Variants in NPEPL1 observed in about 807,000 individuals in gnomAD.
NPEPL1 encodes probable aminopeptidase NPEPL1.
Under a neutral mutation model 52.4 loss-of-function variants are expected in NPEPL1, and 45 were observed. The observed-to-expected ratio is 0.86, with a 90% CI of 0.68 to 1.10. The LOEUF (loss-of-function observed/expected upper bound fraction) is 1.10. NPEPL1 is among the 50% of genes least tolerant of loss of function. The probability of loss-of-function intolerance (pLI) is 0.00; values close to 1 mark genes in which losing one functional copy is unlikely to be tolerated. For synonymous variants in NPEPL1, 360 were observed against 314.7 expected, an observed-to-expected ratio of 1.14 and a Z score of -1.52; for missense variants, 696 against 710.9, an observed-to-expected ratio of 0.98 and a Z score of 0.24.
intron 3 of NPEPL1, among the ~76,000 whole-genome samples, chr20:58,694,879 T>C (rs6015340): frequency 0.55 from 83,560 of 152,078 alleles, 24,110 homozygotes; most frequent in African/African-American, 0.72. Flanking sequence ...ACCCTGCCCG[T>C]TTATGTGAGC....
At chr20:58,696,039 TTCTC>T (rs2084484060) in intron 3 of NPEPL1, among the ~76,000 whole-genome samples, 1 of 152,160 alleles carries the variant, frequency 6.6e-6, no homozygotes, top group African/African-American at 2.4e-5. Flanking sequence ...CATCTGCCTC[TTCTC>T]TCTGTCTTTA....
chr20:58,691,444 C>T, upstream of NPEPL1: 1 of 397,922 alleles, frequency 2.5e-6, no homozygotes, highest in Non-Finnish European at 4.7e-6. Flanking sequence ...AAAAAAACAA[C>T]AAAAAGTCAA....
chr20:58,715,116 TC>T (rs1165455029), intron 11 of NPEPL1, 51 bp from the exon 12 acceptor site: 35 of 1,546,674 alleles, frequency 2.3e-5, no homozygotes, highest in Non-Finnish European at 1.1e-5. Flanking sequence ...CAGGAACCCC[TC>T]CTGTGCTGCA....
At chr20:58,699,327 GGGGCACT>G (rs2084561970) in intron 5 of NPEPL1, 49 bp downstream of exon 5, 2 of 1,427,264 alleles carry the variant, frequency 1.4e-6, no homozygotes, top group Non-Finnish European at 1.9e-6. Context: ...GCAGTGGCCA[GGGGCACT>G]TGGGTGGCAG....
At position 58,692,812 on chromosome 20, in the gene NPEPL1, G is replaced by C; in HGVS notation, c.-89G>C. On this transcript the variant is annotated 5_prime_UTR_variant, in exon 1 of 12. Transcript: ENST00000356091. This position sits in a 1 kb window ranked among gnomAD's most constrained non-coding sequence, Gnocchi z 5.7. Reference sequence around the variant, plus strand: ...CGGGCTGCCGGGCAGGGCCGGGGCGGTGCCGAGGCCGGGCCGGAGCGGGGC... The same window carrying C: ...CGGGCTGCCGGGCAGGGCCGGGGCGCTGCCGAGGCCGGGCCGGAGCGGGGC... 1 of 974,230 alleles carries C rather than the reference G, an allele frequency of 1.0e-6. No homozygotes were observed. The allele number at this position is 974,230 out of a possible 1,614,324, so 60.3% of individuals were successfully genotyped here.
chr20:58,709,690 A>G (rs979485808), intron 7 of NPEPL1, among the ~76,000 whole-genome samples: 2 of 152,270 alleles, frequency 1.3e-5, no homozygotes, highest in Middle Eastern at 3.2e-3. Context: ...GAGGCAGTGT[A>G]CAGGGAAGGA....
intron 7 of NPEPL1, among the ~76,000 whole-genome samples, chr20:58,710,538 C>A (rs1235109582): frequency 6.6e-6 from 1 of 152,138 alleles, no homozygotes; most frequent in East Asian, 1.9e-4. Flanking sequence ...ACCCAAAACC[C>A]TTGGCCGCCC....
At chr20:58,709,945 T>C (rs1249903583) in intron 7 of NPEPL1, among the ~76,000 whole-genome samples, 1 of 151,718 alleles carries the variant, frequency 6.6e-6, no homozygotes. Context: ...TGGTGATTAC[T>C]ACCCCCTGCT....
At chr20:58,697,436 G>A (rs1453785742) in intron 3 of NPEPL1, among the ~76,000 whole-genome samples, 3 of 152,254 alleles carry the variant, frequency 2.0e-5, no homozygotes, top group African/African-American at 7.2e-5. Context: ...AGGCGGCAGG[G>A]ACGGCTCAGG....
At chr20:58,714,751 G>C in intron 11 of NPEPL1, 81 bp downstream of exon 11, 6 of 1,119,848 alleles carry the variant, frequency 5.4e-6, no homozygotes. Flanking sequence ...TGGAGCTGCT[G>C]GCAGAGCTCA....
intron 6 of NPEPL1, chr20:58,703,839 T>C: frequency 9.1e-6 from 9 of 984,656 alleles, no homozygotes; most frequent in Non-Finnish European, 1.1e-5. Flanking sequence ...TGCCAGAGAG[T>C]AGGGCATTTT....
At chr20:58,707,465 G>A (rs6026460) in intron 7 of NPEPL1, among the ~76,000 whole-genome samples, 15,689 of 152,286 alleles carry the variant, frequency 0.1, 1,096 homozygotes, top group African/African-American at 0.2. Context: ...CCCCATGAGC[G>A]GTTGGCTCAA....
intron 7 of NPEPL1, among the ~76,000 whole-genome samples, chr20:58,712,104 T>TGTGTGTATG (rs1378396296): frequency 9.7e-6 from 1 of 102,928 alleles, no homozygotes; most frequent in Non-Finnish European, 2.3e-5. Flanking sequence ...TGCCCCTCTG[T>TGTGTGTATG]GTGTGTACGT....
intron 6 of NPEPL1, chr20:58,703,529 G>A (rs8122427): frequency 0.037 from 36,443 of 985,256 alleles, 686 homozygotes; most frequent in Middle Eastern, 0.056. Flanking sequence ...TGGTAGAGTC[G>A]TGGACCCTCT....
upstream of NPEPL1, among the ~76,000 whole-genome samples, chr20:58,689,813 A>T (rs1568842822): frequency 7.4e-6 from 1 of 134,604 alleles, no homozygotes; most frequent in Non-Finnish European, 1.5e-5. Flanking sequence ...ATATGCGTGC[A>T]CATGCACAAA....
intron 1 of NPEPL1, 182 bp downstream of exon 1, chr20:58,693,232 A>G: frequency 3.4e-6 from 1 of 297,052 alleles, no homozygotes; most frequent in Non-Finnish European, 5.0e-6. Flanking sequence ...GCCCAGCCCC[A>G]GGCCCCGTCG....
intron 6 of NPEPL1, among the ~76,000 whole-genome samples, chr20:58,704,770 GCTAA>G (rs553651142): frequency 1.2e-3 from 178 of 152,312 alleles, no homozygotes; most frequent in African/African-American, 3.8e-3. Flanking sequence ...ACCTTTTTCA[GCTAA>G]CTAACTATGA....
intron 3 of NPEPL1, among the ~76,000 whole-genome samples, chr20:58,697,786 CA>C (rs1268061389): frequency 6.6e-6 from 1 of 152,218 alleles, no homozygotes; most frequent in Non-Finnish European, 1.5e-5. Flanking sequence ...GCTCCCAGGG[CA>C]GATGTGAGAC....
At chr20:58,712,621 C>T in intron 8 of NPEPL1, 42 bp downstream of exon 8, 2 of 1,404,254 alleles carry the variant, frequency 1.4e-6, no homozygotes, top group Non-Finnish European at 2.0e-6. Context: ...ACTGTTGGAA[C>T]TCGCGACCCT....
Sources: gnomAD v4.1 joint callset for allele counts (sites outside exome capture counted in the v4.1 genomes callset) on GRCh38, gnomAD v4.1.1 for gene constraint, Gnocchi (gnomAD v3.1) non-coding constraint, MANE v1.5 for transcripts, NCBI Gene and HGNC (gene_info 2026-07-23, HGNC 2026-07-21) for gene names.